The following SLC24A1 variants were observed in gnomAD, a reference collection of about 807,000 sequenced individuals.
SLC24A1 encodes the protein sodium/potassium/calcium exchanger 1.
A neutral mutation model predicts 88.1 loss-of-function variants in SLC24A1; 52 were observed. The ratio of observed to expected loss-of-function variants is 0.59; its 90% confidence interval spans 0.47 to 0.74. SLC24A1 has a LOEUF of 0.74. Among genes scored for constraint, SLC24A1 ranks in the 30% least tolerant of loss-of-function variants. The probability of loss-of-function intolerance (pLI) is 0.00; values close to 1 mark genes in which losing one functional copy is unlikely to be tolerated. For synonymous variants in SLC24A1, 455 were observed against 498.0 expected, an observed-to-expected ratio of 0.91 and a Z score of 1.15; for missense variants, 1,173 against 1,363.3, an observed-to-expected ratio of 0.86 and a Z score of 2.20.
intron 7 of SLC24A1, 127 bp downstream of exon 7, chr15:65,651,069 T>C (rs1347379541): frequency 3.1e-5 from 24 of 784,094 alleles, no homozygotes; most frequent in South Asian, 9.6e-5. Flanking sequence ...GGCTCCACCA[T>C]TGAGATCTGG....
intron 2 of SLC24A1, 44 bp downstream of exon 2, chr15:65,626,014 A>G: frequency 6.9e-7 from 1 of 1,453,148 alleles, no homozygotes; most frequent in Non-Finnish European, 9.7e-7. Flanking sequence ...CTTTGAGATG[A>G]AAGGATGTGG....
At chr15:65,618,295 G>A (rs2074214013), upstream of SLC24A1, among the ~76,000 whole-genome samples, 1 of 151,882 alleles carries the variant, frequency 6.6e-6, no homozygotes, top group South Asian at 2.1e-4. Context: ...CTACCTAAAT[G>A]CAATAATGTT....
Position 65,624,575 on chromosome 15 carries a change from G to GTA in SLC24A1, c.498_499dup (p.Thr167IlefsTer9). 1 of 1,594,752 alleles carries GTA rather than the reference G, an allele frequency of 6.3e-7. No homozygotes were observed. Among genetic ancestry groups the GTA allele is most frequent in the Non-Finnish European group, 8.5e-7 (1 of 1,170,516 alleles). The stretch of plus-strand genomic sequence containing the variant: ...CTTCAAGCAGACAAATAGTAAAAAA[G>GTA]TATACCCCAACACCCAGGGGAGAAA... On this transcript the variant is annotated frameshift_variant, in exon 2 of 10. Coordinates refer to ENST00000261892, the MANE Select transcript of SLC24A1 (RefSeq NM_004727.3). LOFTEE classifies it high-confidence loss of function.
At chr15:65,633,696 CT>C (rs1206380791) in intron 2 of SLC24A1, among the ~76,000 whole-genome samples, 2 of 152,180 alleles carry the variant, frequency 1.3e-5, no homozygotes, top group South Asian at 4.1e-4. Context: ...GTTTCTTTCA[CT>C]TTTAAAAAAT....
upstream of SLC24A1, among the ~76,000 whole-genome samples, chr15:65,618,383 A>G (rs2074217529): frequency 6.6e-6 from 1 of 152,076 alleles, no homozygotes; most frequent in African/African-American, 2.4e-5. Flanking sequence ...ATTCCTTTTA[A>G]CTGCTGTATA....
chr15:65,636,621 A>G (rs2074943413), intron 2 of SLC24A1, among the ~76,000 whole-genome samples: 1 of 151,806 alleles, frequency 6.6e-6, no homozygotes, highest in Admixed American at 6.6e-5. Context: ...CATGCCTGTA[A>G]TCCCAGCAGT....
intron 5 of SLC24A1, among the ~76,000 whole-genome samples, chr15:65,645,263 G>C (rs2075265143): frequency 1.3e-5 from 2 of 152,210 alleles, no homozygotes; most frequent in South Asian, 4.1e-4. Context: ...GGAATCAGCA[G>C]GATCCTTCCC....
intron 4 of SLC24A1, among the ~76,000 whole-genome samples, chr15:65,641,361 T>C (rs944446039): frequency 1.4e-4 from 20 of 146,656 alleles, no homozygotes; most frequent in South Asian, 2.3e-4. Flanking sequence ...CATCTCTAAA[T>C]AAACAAACAA....
intron 2 of SLC24A1, among the ~76,000 whole-genome samples, chr15:65,633,082 G>T (rs1193681472): frequency 3.9e-5 from 6 of 152,286 alleles, no homozygotes; most frequent in African/African-American, 1.2e-4. Context: ...AATCTTGAAG[G>T]ACAAGCAGGA....
intron 4 of SLC24A1, chr15:65,644,103 A>G (rs1437296944): frequency 1.7e-5 from 5 of 297,914 alleles, no homozygotes; most frequent in Admixed American, 1.3e-4. Flanking sequence ...TTGAGCTTGT[A>G]AAGGAAATAA....
At chr15:65,611,413 G>C in exon 1 of SLC24A1, 1 of 574,536 alleles carries the variant, frequency 1.7e-6, no homozygotes, top group Non-Finnish European at 3.1e-6. Flanking sequence ...GCATTGCCCT[G>C]AATCTCTCCC....
rs1163449206 is a variant in SLC24A1 at position 65,623,973 on chromosome 15, G to A, written c.-108G>A. 1.0e-6 allele frequency: 1 copy of A among 990,454 alleles called. No individual in the cohort carries two copies. Among genetic ancestry groups the A allele is most frequent in the African/African-American group, 1.6e-5 (1 of 61,560 alleles). The allele number at this position is 990,454 out of a possible 1,614,324, so 61.4% of individuals were successfully genotyped here. On this transcript the variant is annotated 5_prime_UTR_variant, in exon 2 of 10. Transcript: ENST00000261892. ...CACCTAGGGTTGTGGATACCCCCTGGCTGGGCTTCATGGAGAAATCTTCTC... is the reference window on the plus strand; with the variant it reads ...CACCTAGGGTTGTGGATACCCCCTGACTGGGCTTCATGGAGAAATCTTCTC...
At chr15:65,637,025 C>T (rs935470859) in intron 2 of SLC24A1, among the ~76,000 whole-genome samples, 7 of 150,452 alleles carry the variant, frequency 4.7e-5, no homozygotes, top group Admixed American at 4.6e-4. Flanking sequence ...AAGTTCATTG[C>T]GTGGCAAAAA....
In SLC24A1 at chr15:65,650,287, T is replaced by G. The variant is rs751754598; in HGVS notation, c.2233-95T>G. ...CCTCATACTTAAGTTTTCAGATACC[T>G]TCTGAGAAGCACGCCAACAAAAAAA... is the stretch of plus-strand genomic sequence containing the variant. On this transcript the variant is annotated intron_variant, in intron 6 of 9. Coordinates refer to ENST00000261892, the MANE Select transcript of SLC24A1 (RefSeq NM_004727.3). The surrounding 1 kb of genome is among the most constrained non-coding windows in gnomAD (Gnocchi z 4.1). The G allele has an allele frequency of 2.5e-5, 26 of 1,035,092 alleles. No individual in the cohort carries two copies. Among genetic ancestry groups the G allele is most frequent in the Non-Finnish European group, 3.7e-5 (26 of 711,816 alleles). The allele number at this position is 1,035,092 out of a possible 1,614,324, so 64.1% of individuals were successfully genotyped here. A position where few individuals can be genotyped will look rare whatever the true frequency, so the allele number is the denominator to read the frequency against.
Position 65,652,802 on chromosome 15 carries a change from C to T in SLC24A1, c.3044C>T (p.Thr1015Ile). 1 of 1,597,306 alleles carries T rather than the reference C, an allele frequency of 6.3e-7. No homozygotes were observed. Among genetic ancestry groups the T allele is most frequent in the Admixed American group, 1.7e-5 (1 of 59,372 alleles). Residue 1015 changes from threonine to isoleucine, a missense_variant, in exon 9 of 10, where the codon ACT becomes ATT. By Grantham distance (89) the Thr-to-Ile change is moderately conservative. Transcript: ENST00000261892. ...SSVGSNIFDI[T>I]VGLPVPWLLF... is the part of the protein sequence containing the mutation. ...GTGGGCAGTAACATATTTGATATCACTGTGGGGTGAGTGGCAATGTAACTT... is the reference window on the plus strand; with the variant it reads ...GTGGGCAGTAACATATTTGATATCATTGTGGGGTGAGTGGCAATGTAACTT...
chr15:65,625,340 C>T lies in SLC24A1; in HGVS notation c.1260C>T (p.Leu420=). 1 of 1,614,034 alleles carries T rather than the reference C, an allele frequency of 6.2e-7. No homozygotes were observed. The highest frequency in any genetic ancestry group is 8.5e-7 in the Non-Finnish European group (1 of 1,179,888). The change falls in exon 2 of 10, where the codon CTC becomes CTT. Residue 420 remains leucine (L), a synonymous_variant. Transcript: ENST00000261892. ...SLTTALLPEE[L]SPSPSVLPPS... is the part of the protein sequence containing the mutation. ...CAACAGCCCTGCTCCCAGAGGAGCT[C>T]AGTCCTAGTCCCTCAGTGCTGCCTC... is the stretch of plus-strand genomic sequence containing the variant.
intron 1 of SLC24A1, among the ~76,000 whole-genome samples, chr15:65,622,879 T>C: frequency 6.6e-6 from 1 of 152,046 alleles, no homozygotes; most frequent in East Asian, 1.9e-4. Flanking sequence ...GTACCTGGGA[T>C]TACAGGCATG....
intron 2 of SLC24A1, 148 bp downstream of exon 2, chr15:65,626,118 T>A (rs2074507333): frequency 1.0e-5 from 7 of 683,834 alleles, no homozygotes; most frequent in Admixed American, 2.2e-5. Flanking sequence ...ATAGAGTACC[T>A]GTTCTCTGCC....
At chr15:65,617,992 C>G (rs1177043500), upstream of SLC24A1, among the ~76,000 whole-genome samples, 2 of 152,152 alleles carry the variant, frequency 1.3e-5, no homozygotes, top group Non-Finnish European at 2.9e-5. Flanking sequence ...CAGGAGTGCA[C>G]CACTGCATCA....
Sources: gnomAD v4.1 joint callset for allele counts (sites outside exome capture counted in the v4.1 genomes callset) on GRCh38, gnomAD v4.1.1 for gene constraint, Gnocchi (gnomAD v3.1) non-coding constraint, MANE v1.5 for transcripts, NCBI Gene and HGNC (gene_info 2026-07-23, HGNC 2026-07-21) for gene names.